DAB2IP: variants seen among roughly 807,000 people sequenced by gnomAD.
DAB2IP encodes DAB2 interacting protein.
Under a neutral mutation model 107.2 loss-of-function variants are expected in DAB2IP, and 28 were observed. The observed-to-expected ratio is 0.26, with a 90% CI of 0.19 to 0.36. The LOEUF (loss-of-function observed/expected upper bound fraction) is 0.36. DAB2IP is among the 10% of genes least tolerant of loss of function. The pLI is 1.00. For missense variants in DAB2IP, 1,400 were observed against 1,644.7 expected (o/e 0.85, Z 2.57); for synonymous variants, 755 against 706.4 (o/e 1.07, Z -1.09).
intron 3 of DAB2IP, among the ~76,000 whole-genome samples, chr9:121,756,307 G>A (rs1485241830): frequency 6.6e-6 from 1 of 152,234 alleles, no homozygotes; most frequent in African/African-American, 2.4e-5. Context: ...CTGCGTTTGG[G>A]TGCCGGGTGG....
chr9:121,710,192 T>C (rs568038316), intron 3 of DAB2IP, among the ~76,000 whole-genome samples: 1 of 152,350 alleles, frequency 6.6e-6, no homozygotes, highest in African/African-American at 2.4e-5. Flanking sequence ...TAAAAGTCAC[T>C]TGCCCTGAGT....
chr9:121,690,538 G>A (rs1829111440), intron 2 of DAB2IP, among the ~76,000 whole-genome samples: 1 of 152,162 alleles, frequency 6.6e-6, no homozygotes, highest in East Asian at 1.9e-4. Context: ...TCAGCTGGAG[G>A]ATCTATGGGA....
intron 6 of DAB2IP, among the ~76,000 whole-genome samples, chr9:121,761,537 G>A (rs1385600038): frequency 1.3e-5 from 2 of 152,212 alleles, no homozygotes; most frequent in Non-Finnish European, 2.9e-5. Context: ...AGAGGCCCTG[G>A]AAGGGGAGGC....
chr9:121,651,569 C>A, upstream of DAB2IP: 3 of 819,822 alleles, frequency 3.7e-6, no homozygotes, highest in Non-Finnish European at 4.5e-6. This position sits in a 1 kb window ranked among gnomAD's most constrained non-coding sequence, Gnocchi z 5.1. Context: ...GGGTCCCCAG[C>A]CCCCGCCGCG....
At chr9:121,737,491 C>G in intron 3 of DAB2IP, 1 of 985,448 alleles carries the variant, frequency 1.0e-6, no homozygotes. Flanking sequence ...CGAGAGGCCC[C>G]CTAATCTGTC....
chr9:121,640,410 C>T (rs1455971747), intron 1 of DAB2IP, among the ~76,000 whole-genome samples: 3 of 152,152 alleles, frequency 2.0e-5, no homozygotes, highest in Admixed American at 6.5e-5. Flanking sequence ...AGAAATGCGA[C>T]ATCAGAGAAA....
chr9:121,688,112 T>C (rs1316099205), intron 2 of DAB2IP, among the ~76,000 whole-genome samples: 1 of 152,114 alleles, frequency 6.6e-6, no homozygotes, highest in African/African-American at 2.4e-5. Flanking sequence ...CTGCAGGTCC[T>C]CCCCTTTCCT....
In DAB2IP at chr9:121,678,793, T is replaced by C. The variant is rs1263065444; in HGVS notation, c.228+12T>C. On this transcript the variant is annotated intron_variant, in intron 2 of 15. Transcript: ENST00000408936. ...CGTTCCGGGTCACGGTAACTATCTCTGCGTCACCAACACCGCCACTGCCAC... is the reference window on the plus strand; with the variant it reads ...CGTTCCGGGTCACGGTAACTATCTCCGCGTCACCAACACCGCCACTGCCAC... The C allele has an allele frequency of 8.4e-6, 13 of 1,556,074 alleles. No homozygotes were observed. Among genetic ancestry groups the C allele is most frequent in the Non-Finnish European group, 1.1e-5 (13 of 1,145,270 alleles).
intron 1 of DAB2IP, among the ~76,000 whole-genome samples, chr9:121,611,965 GTTA>G (rs2118977035): frequency 6.6e-6 from 1 of 152,278 alleles, no homozygotes; most frequent in East Asian, 1.9e-4. Context: ...CTGCAGTTTT[GTTA>G]TTACTTATTA....
rs1833259807 is a variant in DAB2IP, at chr9:121,662,733, C to T, written c.124+10834C>T. Among the ~76,000 whole-genome samples, 2 of 152,166 alleles carry T rather than the reference C, an allele frequency of 1.3e-5. No individual in the cohort carries two copies. The highest frequency in any genetic ancestry group is 2.9e-5 in the Non-Finnish European group (2 of 67,998). Reference sequence around the variant, plus strand: ...GTGCTTTCTGCTTTTACATAGAAGCCTATGCTTCCAAGTGTGTCGAATTGC... The same window carrying T: ...GTGCTTTCTGCTTTTACATAGAAGCTTATGCTTCCAAGTGTGTCGAATTGC... On this transcript the variant is annotated intron_variant, in intron 1 of 15. Transcript: ENST00000408936. This position sits in a 1 kb window ranked among gnomAD's most constrained non-coding sequence, Gnocchi z 4.6.
At position 121,757,001 on chromosome 9, in the gene DAB2IP, C is replaced by G; in HGVS notation, c.363-12C>G. 6.2e-7 allele frequency: 1 copy of G among 1,613,802 alleles called. No individual in the cohort carries two copies. Among genetic ancestry groups the G allele is most frequent in the Non-Finnish European group, 8.5e-7 (1 of 1,179,898 alleles). ...TGTGGGGGCCCACCTGACACACCTA[C>G]TGCCACCCCAGGTCCCATCTGATGC... is the stretch of plus-strand genomic sequence containing the variant. On this transcript the variant is annotated splice_polypyrimidine_tract_variant and intron_variant, in intron 3 of 15. Coordinates refer to ENST00000408936, the Ensembl canonical transcript of DAB2IP.
intron 1 of DAB2IP, among the ~76,000 whole-genome samples, chr9:121,626,171 A>T (rs1384176872): frequency 6.6e-6 from 1 of 152,006 alleles, no homozygotes; most frequent in African/African-American, 2.4e-5. Context: ...AGAAATGTTA[A>T]TGTGTTCAGA....
chr9:121,763,922 A>T, intron 8 of DAB2IP, 43 bp downstream of exon 8: 1 of 1,603,662 alleles, frequency 6.2e-7, no homozygotes, highest in Non-Finnish European at 8.5e-7. Flanking sequence ...CGCCTTCCCC[A>T]TCCTGTCCTT....
chr9:121,576,644 G>A (rs1830063027), intron 1 of DAB2IP, among the ~76,000 whole-genome samples: 1 of 152,192 alleles, frequency 6.6e-6, no homozygotes, highest in Non-Finnish European at 1.5e-5. Flanking sequence ...ACTTGGAGGG[G>A]AGGCTGGGTG....
chr9:121,661,828 T>A (rs923990358), intron 1 of DAB2IP, among the ~76,000 whole-genome samples: 1 of 152,082 alleles, frequency 6.6e-6, no homozygotes, highest in African/African-American at 2.4e-5. Context: ...CAGAAAATTT[T>A]AAAATTTTTT....
At chr9:121,784,515 CGA>C (rs1273666896) in exon 16 of DAB2IP, 8 of 154,216 alleles carry the variant, frequency 5.2e-5, no homozygotes, top group African/African-American at 1.7e-4. Context: ...GCTCTCAGGC[CGA>C]GAGCCTTATT....
chr9:121,622,279 C>T (rs566938149), intron 1 of DAB2IP, among the ~76,000 whole-genome samples: 5 of 152,316 alleles, frequency 3.3e-5, no homozygotes, highest in Admixed American at 2.0e-4. Context: ...TGAGCCACCG[C>T]ACCCGGCCCC....
chr9:121,661,350 C>T (rs1833193085), intron 1 of DAB2IP, among the ~76,000 whole-genome samples: 1 of 152,100 alleles, frequency 6.6e-6, no homozygotes, highest in Non-Finnish European at 1.5e-5. Flanking sequence ...ACTGTCAATA[C>T]AGTCATGGTT....
chr9:121,580,615 C>T (rs563695135), intron 1 of DAB2IP, among the ~76,000 whole-genome samples: 1 of 152,080 alleles, frequency 6.6e-6, no homozygotes, highest in Admixed American at 6.6e-5. Context: ...TACAGAGTAG[C>T]CCATCTAAGA....
Sources: gnomAD v4.1 joint callset for allele counts (sites outside exome capture counted in the v4.1 genomes callset) on GRCh38, gnomAD v4.1.1 for gene constraint, Gnocchi (gnomAD v3.1) non-coding constraint, MANE v1.5 for transcripts, NCBI Gene and HGNC (gene_info 2026-07-23, HGNC 2026-07-21) for gene names.